DMD: variants seen among roughly 807,000 people sequenced by gnomAD.
DMD encodes dystrophin.
DMD carries 63 observed loss-of-function variants against 330.1 expected under a neutral mutation model. The ratio of observed to expected loss-of-function variants is 0.19; its 90% CI spans 0.16 to 0.24. The LOEUF is 0.24. Ranked by LOEUF, DMD falls within the 10% of genes least tolerant of loss-of-function variation. The pLI is 1.00. For missense variants in DMD, 3,344 were observed against 2,684.1 expected (o/e 1.25, Z -5.43); for synonymous variants, 1,223 against 959.8 (o/e 1.27, Z -5.07).
chrX:31,294,845 G>A (rs2054038300), intron 62 of DMD, among the ~76,000 whole-genome samples: 1 of 112,032 alleles, frequency 8.9e-6, no homozygotes, highest in Non-Finnish European at 1.9e-5. Flanking sequence ...GAAATCAGAT[G>A]TAAAATTCTT....
intron 44 of DMD, among the ~76,000 whole-genome samples, chrX:32,209,515 ATAT>A (rs766411560): frequency 1.6e-3 from 176 of 111,867 alleles, no homozygotes; most frequent in African/African-American, 5.3e-3. Flanking sequence ...TCCTTGCAAA[ATAT>A]TATTTCATGA....
chrX:32,325,867 G>A (rs1043093347), intron 41 of DMD, among the ~76,000 whole-genome samples: 1 of 99,240 alleles, frequency 1.0e-5, no homozygotes, highest in Admixed American at 1.1e-4. Flanking sequence ...GCAGTGGCTT[G>A]ATCTCGGCTC....
At chrX:31,335,988 A>G (rs2057385335) in intron 61 of DMD, among the ~76,000 whole-genome samples, 1 of 112,548 alleles carries the variant, frequency 8.9e-6, no homozygotes, top group Admixed American at 9.3e-5. Flanking sequence ...GTTGGGCCAA[A>G]ATGGCCAGGT....
chrX:31,373,236 CAT>C lies in DMD; in HGVS notation c.9085-24604_9085-24603del, dbSNP rs1451232830. Among the ~76,000 whole-genome samples, 4 of 106,945 alleles carry C rather than the reference CAT, an allele frequency of 3.7e-5. No homozygotes were observed. In the East Asian group the frequency reaches 8.8e-4, roughly 23 times the overall value. The allele number at this position is 106,945 out of a possible 115,157, so 92.9% of individuals were successfully genotyped here. The stretch of plus-strand genomic sequence containing the variant: ...GAAGAATCAATATCGTGAAAATGGC[CAT>C]ACTGCCCAAGGAAATTTATAGATTC... On this transcript the variant is annotated intron_variant, in intron 60 of 78. Transcript: ENST00000357033.
rs540482881 is a variant in DMD at position 33,096,673 on chromosome X, C to T, written c.32-76473G>A. ...GCATGCACCACCACACCTGGCTAAT[C>T]GTTTGTATTTTTAGTAGAGATGGGG... On this transcript the variant is annotated intron_variant, in intron 1 of 78. Transcript: ENST00000357033. Among the ~76,000 whole-genome samples the T allele has an allele frequency of 3.8e-3, 419 of 110,427 alleles. 1 individual carries two copies. Among genetic ancestry groups the T allele is most frequent in the African/African-American group, 0.013 (390 of 30,382 alleles).
intron 19 of DMD, among the ~76,000 whole-genome samples, chrX:32,493,050 G>A (rs1021178999): frequency 1.8e-5 from 2 of 111,824 alleles, no homozygotes; most frequent in Non-Finnish European, 3.8e-5. Context: ...TTCTTAAAAA[G>A]TCTGAAGAAC....
At chrX:31,831,449 TTA>T (rs2093027893) in intron 49 of DMD, among the ~76,000 whole-genome samples, 1 of 112,194 alleles carries the variant, frequency 8.9e-6, no homozygotes, top group African/African-American at 3.2e-5. Flanking sequence ...TTCTAAATGT[TTA>T]TGTTTACAAG....
At chrX:31,440,667 G>T (rs1342614560) in intron 60 of DMD, among the ~76,000 whole-genome samples, 1 of 112,260 alleles carries the variant, frequency 8.9e-6, no homozygotes, top group African/African-American at 3.2e-5. Flanking sequence ...TCACAAGGTT[G>T]TGATTCTTAG....
chrX:33,302,601 T>G (rs1462917798), intron 1 of DMD, among the ~76,000 whole-genome samples: 1 of 111,607 alleles, frequency 9.0e-6, no homozygotes. Context: ...TTGCACATTT[T>G]TTAAAGAACT....
intron 44 of DMD, among the ~76,000 whole-genome samples, chrX:32,199,767 C>A (rs1375543753): frequency 1.0e-5 from 1 of 98,146 alleles, no homozygotes; most frequent in South Asian, 4.7e-4. Context: ...GCAAGCGCCA[C>A]CACGCAAGGC....
chrX:32,721,362 T>C (rs2066291917), intron 7 of DMD, among the ~76,000 whole-genome samples: 1 of 110,735 alleles, frequency 9.0e-6, no homozygotes, highest in African/African-American at 3.3e-5. Context: ...TTGCCTTTAC[T>C]GGCACTTGTT....
At chrX:32,252,858 AT>A (rs2097279771) in intron 43 of DMD, among the ~76,000 whole-genome samples, 3 of 74,000 alleles carry the variant, frequency 4.1e-5, no homozygotes, top group African/African-American at 1.2e-4. Context: ...ATAAATATAT[AT>A]AAATATATAA....
rs1569481858 is a variant in DMD, at chrX:31,223,043, T to C, written c.9361+4A>G. 1 of 1,205,821 alleles carries C rather than the reference T, an allele frequency of 8.3e-7. No individual in the cohort carries two copies. Among genetic ancestry groups the C allele is most frequent in the Non-Finnish European group, 1.1e-6 (1 of 889,973 alleles). ...AAGATCTTCAAATACTGGCCAATAC[T>C]TACAGCAAAGGGCCTTCTGCAGTCT... On this transcript the variant is annotated splice_donor_region_variant and intron_variant, in intron 64 of 78. Transcript: ENST00000357033.
At chrX:32,220,282 C>T (rs2097127858) in intron 43 of DMD, among the ~76,000 whole-genome samples, 2 of 112,014 alleles carry the variant, frequency 1.8e-5, no homozygotes, top group Admixed American at 9.5e-5. Context: ...ATGACTTATG[C>T]TGTCACTTTA....
chrX:32,578,424 C>T (rs999640104), intron 13 of DMD, among the ~76,000 whole-genome samples: 1 of 111,983 alleles, frequency 8.9e-6, no homozygotes, highest in African/African-American at 3.2e-5. Flanking sequence ...CAGCTCACTT[C>T]GTCTAACATT....
In DMD at chrX:31,968,950, CAT is replaced by C. The variant is rs776620935; in HGVS notation, c.6439-438_6439-437del. On this transcript the variant is annotated intron_variant, in intron 44 of 78. Transcript: ENST00000357033. ...GATACGAGAGGTGAAAAAGAACAAA[CAT>C]AGGTTAGTCACAGTATTAAAAAAAA... Among the ~76,000 whole-genome samples the C allele has an allele frequency of 3.0e-3, 329 of 110,667 alleles. 1 individual carries two copies. The highest frequency in any genetic ancestry group is 0.01 in the African/African-American group (316 of 30,532).
chrX:32,562,301 C>A (rs1042414697), intron 16 of DMD, among the ~76,000 whole-genome samples: 1 of 112,570 alleles, frequency 8.9e-6, no homozygotes, highest in African/African-American at 3.2e-5. Context: ...TTATTCAAGT[C>A]AAATCTGAGT....
chrX:31,303,065 C>G (rs1294680890), intron 62 of DMD, among the ~76,000 whole-genome samples: 1 of 111,968 alleles, frequency 8.9e-6, no homozygotes, highest in Non-Finnish European at 1.9e-5. Context: ...TGCCCCCTCT[C>G]CCATACTACA....
chrX:31,240,509 T>A (rs771504807), intron 63 of DMD, among the ~76,000 whole-genome samples: 1 of 111,716 alleles, frequency 9.0e-6, no homozygotes, highest in Non-Finnish European at 1.9e-5. Context: ...TATCTTCTTT[T>A]CAAGATTTCT....
Sources: allele counts gnomAD v4.1 joint callset (sites outside exome capture counted in the v4.1 genomes callset), GRCh38; gene constraint gnomAD v4.1.1; transcripts MANE v1.5; gene names NCBI Gene and HGNC (gene_info 2026-07-23, HGNC 2026-07-21).